Variants in TIAM2 observed in about 807,000 individuals in gnomAD.
TIAM2 encodes the protein rho guanine nucleotide exchange factor TIAM2.
In TIAM2, 80 loss-of-function variants were observed where a neutral mutation model predicts 152.9. The ratio of observed to expected loss-of-function variants is 0.52; its 90% CI spans 0.44 to 0.63. TIAM2 has a LOEUF of 0.63. TIAM2 is among the 30% of genes least tolerant of loss of function. TIAM2 has a pLI of 0.00. For synonymous variants in TIAM2, 804 were observed against 838.0 expected, an observed-to-expected ratio of 0.96 and a Z score of 0.70; for missense variants, 1,965 against 2,120.1, an observed-to-expected ratio of 0.93 and a Z score of 1.44.
At chr6:155,102,627 C>T (rs536077986) in intron 2 of TIAM2, among the ~76,000 whole-genome samples, 12 of 152,256 alleles carry the variant, frequency 7.9e-5, no homozygotes, top group African/African-American at 2.9e-4. Flanking sequence ...CAGAAACCCT[C>T]AAGAATATAT....
At position 155,045,518 on chromosome 6, in the gene TIAM2, C is replaced by T. The variant is rs144397032; in HGVS notation, c.-208-44771C>T. On this transcript the variant is annotated intron_variant, in intron 1 of 26. Transcript: ENST00000682666. ...CTTTGTTCTGTTTGTTCATTATGGC[C>T]ATTTTCTTTCGAACATGAAAGAAAT... Among the ~76,000 whole-genome samples the T allele has an allele frequency of 9.0e-3, 1,371 of 152,118 alleles. 13 individuals are homozygous for T. Among genetic ancestry groups the T allele is most frequent in the Non-Finnish European group, 0.015 (1,038 of 68,016 alleles).
At chr6:155,237,277 C>T (rs1348519970) in intron 15 of TIAM2, among the ~76,000 whole-genome samples, 2 of 152,272 alleles carry the variant, frequency 1.3e-5, no homozygotes, top group Non-Finnish European at 2.9e-5. Context: ...CCAGGTCACA[C>T]TGATGCAAGA....
At position 155,129,774 on chromosome 6, in the gene TIAM2, G is replaced by A; in HGVS notation, c.551G>A (p.Ser184Asn). The change falls in exon 4 of 27, where the codon AGC becomes AAC. Residue 184 changes from serine (S) to asparagine (N), a missense_variant. Ser to Asn is a conservative substitution (Grantham distance 46). Transcript: ENST00000682666. The surrounding 1 kb of genome is among the most constrained non-coding windows in gnomAD (Gnocchi z 4.8). Reference sequence around the variant, plus strand: ...GAGTTCCACAATGGTGGCAACCCCAGCAAAGTGCCTGCAGAGGACTGCAGT... The same window carrying A: ...GAGTTCCACAATGGTGGCAACCCCAACAAAGTGCCTGCAGAGGACTGCAGT... ...RVEFHNGGNP[S>N]KVPAEDCSEP... The A allele has an allele frequency of 1.2e-6, 2 of 1,613,838 alleles. No individual in the cohort carries two copies. The highest frequency in any genetic ancestry group is 8.5e-7 in the Non-Finnish European group (1 of 1,180,036).
intron 14 of TIAM2, among the ~76,000 whole-genome samples, chr6:155,195,164 G>A (rs1225755595): frequency 6.6e-6 from 1 of 152,182 alleles, no homozygotes; most frequent in Non-Finnish European, 1.5e-5. Flanking sequence ...AAGGCTTAAG[G>A]TGTGCAAAAT....
In TIAM2 at chr6:155,032,309, T is replaced by A. The variant is rs554018767; in HGVS notation, c.-209+36817T>A. On this transcript the variant is annotated intron_variant, in intron 1 of 26. Coordinates refer to ENST00000682666, the MANE Select transcript of TIAM2 (RefSeq NM_012454.4). The stretch of plus-strand genomic sequence containing the variant: ...TCCTTTCCCCACTTGCCACTCACAG[T>A]GTGGTTCATGGAACGCAACGCTCGG... Among the ~76,000 whole-genome samples, 3 of 152,302 alleles carry A rather than the reference T, an allele frequency of 2.0e-5. No homozygotes were observed. In the South Asian group the frequency reaches 6.2e-4, roughly 32 times the overall value.
chr6:155,234,013 T>A, intron 15 of TIAM2, among the ~76,000 whole-genome samples: 2 of 143,060 alleles, frequency 1.4e-5, no homozygotes, highest in African/African-American at 2.7e-5. Flanking sequence ...TGGGGGGGGG[T>A]TGGGGTTCAA....
intron 1 of TIAM2, among the ~76,000 whole-genome samples, chr6:155,065,488 T>C (rs908947125): frequency 3.3e-5 from 5 of 152,052 alleles, no homozygotes; most frequent in Non-Finnish European, 7.4e-5. Flanking sequence ...TTAAAAAATA[T>C]GATTTTAGGT....
At chr6:155,220,908 G>A (rs879148479) in intron 15 of TIAM2, among the ~76,000 whole-genome samples, 1 of 151,868 alleles carries the variant, frequency 6.6e-6, no homozygotes, top group South Asian at 2.1e-4. Flanking sequence ...GACGCTATCC[G>A]TCTCCTAGCT....
At chr6:155,059,284 G>C (rs756103134) in intron 1 of TIAM2, among the ~76,000 whole-genome samples, 49 of 65,982 alleles carry the variant, frequency 7.4e-4, no homozygotes, top group South Asian at 1.7e-3. Context: ...GTCCCTTTCT[G>C]TGTGTGTGTC....
At chr6:155,043,617 G>A (rs1310869937) in intron 1 of TIAM2, among the ~76,000 whole-genome samples, 2 of 133,360 alleles carry the variant, frequency 1.5e-5, no homozygotes, top group Admixed American at 8.4e-5. Flanking sequence ...CTGGGTGACA[G>A]AGTGAGACCC....
At chr6:155,210,982 A>T (rs1781704544) in intron 14 of TIAM2, among the ~76,000 whole-genome samples, 1 of 152,150 alleles carries the variant, frequency 6.6e-6, no homozygotes, top group Non-Finnish European at 1.5e-5. Context: ...GTCTCTTTCG[A>T]CCAAAACAGG....
chr6:155,189,478 T>C (rs938283515), intron 14 of TIAM2, among the ~76,000 whole-genome samples: 1 of 152,192 alleles, frequency 6.6e-6, no homozygotes, highest in Non-Finnish European at 1.5e-5. Flanking sequence ...TCCACCAGTG[T>C]GGAAGTGAGC....
chr6:155,233,962 CA>C (rs200056071), intron 15 of TIAM2, among the ~76,000 whole-genome samples: 9,906 of 137,544 alleles, frequency 0.072, 518 homozygotes, highest in East Asian at 0.29. Flanking sequence ...GACCCTGTCT[CA>C]AAAAAACAAA....
rs139357295 is a variant in TIAM2 at position 155,213,512 on chromosome 6, C to T, written c.3168+2205C>T. Reference sequence around the variant, plus strand: ...CAGGGCTCAGAGGGGTGGAAATGTGCACTGATTGGTCCATAGTGGCCATGA... The same window carrying T: ...CAGGGCTCAGAGGGGTGGAAATGTGTACTGATTGGTCCATAGTGGCCATGA... On this transcript the variant is annotated intron_variant, in intron 15 of 26. Transcript: ENST00000682666. The surrounding 1 kb of genome is among the most constrained non-coding windows in gnomAD (Gnocchi z 4.2). Among the ~76,000 whole-genome samples, 63 of 152,296 alleles carry T rather than the reference C, an allele frequency of 4.1e-4. No homozygotes were observed. Among genetic ancestry groups the T allele is most frequent in the African/African-American group, 1.5e-3 (62 of 41,570 alleles).
chr6:155,240,508 T>C, intron 15 of TIAM2, 22 bp from the exon 16 acceptor site: 8 of 1,587,816 alleles, frequency 5.0e-6, no homozygotes, highest in Non-Finnish European at 5.2e-6. Flanking sequence ...TGCATTATTT[T>C]CCACCTCTTG....
chr6:155,236,376 A>G (rs144301396), intron 15 of TIAM2, among the ~76,000 whole-genome samples: 383 of 152,138 alleles, frequency 2.5e-3, no homozygotes, highest in African/African-American at 8.7e-3. Flanking sequence ...AGAAACACCC[A>G]TGACAGCCAG....
intron 10 of TIAM2, among the ~76,000 whole-genome samples, chr6:155,177,554 C>T (rs1389062419): frequency 1.3e-5 from 2 of 152,126 alleles, no homozygotes; most frequent in Non-Finnish European, 2.9e-5. Context: ...TTTTAGACCA[C>T]CAGGTGGTGC....
intron 2 of TIAM2, among the ~76,000 whole-genome samples, chr6:155,095,968 T>G (rs2114986533): frequency 6.6e-6 from 1 of 152,354 alleles, no homozygotes; most frequent in Admixed American, 6.5e-5. Context: ...AGGATTTTTT[T>G]TCTACCAAAA....
At chr6:155,105,436 ATCGCCCCTGGCCCTGGC>A (rs1464706592) in intron 2 of TIAM2, among the ~76,000 whole-genome samples, 3 of 152,126 alleles carry the variant, frequency 2.0e-5, no homozygotes, top group African/African-American at 7.2e-5. Context: ...GGCATGAGCC[ATCGCCCCTGGCCCTGGC>A]TAATTTTTTT....
Sources: allele counts gnomAD v4.1 joint callset (sites outside exome capture counted in the v4.1 genomes callset), GRCh38; gene constraint gnomAD v4.1.1; non-coding constraint Gnocchi (gnomAD v3.1); transcripts MANE v1.5; gene names NCBI Gene and HGNC (gene_info 2026-07-23, HGNC 2026-07-21).